The following BAZ2B variants were observed in gnomAD, a reference collection of about 807,000 sequenced individuals.
BAZ2B encodes the protein bromodomain adjacent to zinc finger domain 2B.
Under a neutral mutation model 246.0 loss-of-function variants are expected in BAZ2B, and 91 were observed. That is an observed-to-expected ratio of 0.37 (90% CI 0.31 to 0.44). The LOEUF (loss-of-function observed/expected upper bound fraction) is 0.44. Among genes scored for constraint, BAZ2B ranks in the 20% least tolerant of loss-of-function variants. The probability of loss-of-function intolerance (pLI) is 1.00; values close to 1 mark genes in which losing one functional copy is unlikely to be tolerated. For synonymous variants in BAZ2B, 855 were observed against 860.0 expected (o/e 0.99, Z 0.10); for missense variants, 2,332 against 2,533.7 (o/e 0.92, Z 1.71).
At position 159,555,090 on chromosome 2, in the gene BAZ2B, A is replaced by T. The variant is rs202176261; in HGVS notation, c.-3+733T>A. ...GGGGGGTGTGTGTGTGTGTGTGTGT[A>T]TTTTTTTTTTTTTTTTTTTTAGAGA... On this transcript the variant is annotated intron_variant, in intron 2 of 36. Coordinates refer to ENST00000392783, the MANE Select transcript of BAZ2B (RefSeq NM_013450.4). 3.7e-3 allele frequency among the ~76,000 whole-genome samples: 344 copies of T among 93,768 alleles called. 3 individuals are homozygous for T. The highest frequency in any genetic ancestry group is 0.012 in the African/African-American group (318 of 26,332). 61.5% of individuals were successfully genotyped at this position (93,768 alleles called of 152,430 possible). A position where few individuals can be genotyped will look rare whatever the true frequency, so the allele number is the denominator to read the frequency against.
At chr2:159,708,414 A>G in the BAZ2B span, among the ~76,000 whole-genome samples, 3 of 152,190 alleles carry the variant, frequency 2.0e-5, no homozygotes, top group African/African-American at 7.2e-5. Context: ...GTGAGGCCAG[A>G]TATTCTAGAG....
intron 27 of BAZ2B, among the ~76,000 whole-genome samples, chr2:159,364,515 C>G (rs1031987012): frequency 6.6e-6 from 1 of 152,090 alleles, no homozygotes; most frequent in Non-Finnish European, 1.5e-5. Flanking sequence ...ACCTTAAACT[C>G]CTAAGTAGCT....
At chr2:159,675,872 T>A in the BAZ2B span, among the ~76,000 whole-genome samples, 2 of 152,088 alleles carry the variant, frequency 1.3e-5, no homozygotes, top group Non-Finnish European at 1.5e-5. Flanking sequence ...CCCAAGTGAC[T>A]GGGAATACAG....
At chr2:159,418,425 C>T (rs532801077) in intron 13 of BAZ2B, among the ~76,000 whole-genome samples, 2 of 152,186 alleles carry the variant, frequency 1.3e-5, no homozygotes, top group African/African-American at 4.8e-5. Context: ...CAGTAAATTG[C>T]CCAATTAACT....
the BAZ2B span, among the ~76,000 whole-genome samples, chr2:159,624,149 C>A: frequency 6.6e-6 from 1 of 152,212 alleles, no homozygotes; most frequent in African/African-American, 2.4e-5. Flanking sequence ...CTCTAGATTT[C>A]TCTTCTCTGG....
chr2:159,533,559 C>T (rs2085597932), intron 2 of BAZ2B, among the ~76,000 whole-genome samples: 1 of 151,764 alleles, frequency 6.6e-6, no homozygotes, highest in South Asian at 2.1e-4. Flanking sequence ...TTCAAAATCC[C>T]TTCTTAATCT....
chr2:159,515,147 C>T (rs1288552485), intron 2 of BAZ2B, among the ~76,000 whole-genome samples: 1 of 151,892 alleles, frequency 6.6e-6, no homozygotes, highest in African/African-American at 2.4e-5. Context: ...ATATAATCAA[C>T]ATACCTAATA....
At chr2:159,457,129 T>C (rs1184102092) in intron 3 of BAZ2B, among the ~76,000 whole-genome samples, 1 of 152,182 alleles carries the variant, frequency 6.6e-6, no homozygotes, top group Non-Finnish European at 1.5e-5. Flanking sequence ...TTTAACAGTT[T>C]CAGTAATTCA....
chr2:159,453,553 T>C (rs940243332), intron 4 of BAZ2B, 60 bp downstream of exon 4: 8 of 1,472,898 alleles, frequency 5.4e-6, no homozygotes, highest in Non-Finnish European at 7.3e-6. Context: ...GACAAATTAT[T>C]GCTTGAACAT....
chr2:159,669,583 T>A, the BAZ2B span, among the ~76,000 whole-genome samples: 130,666 of 151,698 alleles, frequency 0.86, 56,498 homozygotes, highest in Middle Eastern at 0.95. Context: ...TTGCTGTTAC[T>A]CAGGCATTTG....
At chr2:159,551,901 T>C (rs908434304) in intron 2 of BAZ2B, among the ~76,000 whole-genome samples, 4 of 152,194 alleles carry the variant, frequency 2.6e-5, no homozygotes, top group Admixed American at 1.3e-4. Flanking sequence ...ATGAGCAATG[T>C]TTATTTAATA....
chr2:159,620,816 T>G (rs1357093253), upstream of BAZ2B, among the ~76,000 whole-genome samples: 1 of 152,076 alleles, frequency 6.6e-6, no homozygotes, highest in African/African-American at 2.4e-5. Flanking sequence ...CTAAGTACCA[T>G]GGTAAGGTGG....
At chr2:159,570,824 T>C (rs901820021) in intron 1 of BAZ2B, among the ~76,000 whole-genome samples, 2 of 152,164 alleles carry the variant, frequency 1.3e-5, no homozygotes, top group African/African-American at 2.4e-5. Context: ...ATCTTTATCA[T>C]TGAATAATTT....
chr2:159,605,386 G>A (rs1330236467), intron 1 of BAZ2B, among the ~76,000 whole-genome samples: 1 of 151,942 alleles, frequency 6.6e-6, no homozygotes, highest in African/African-American at 2.4e-5. Flanking sequence ...ATTATTTTTA[G>A]CTCACTTTTA....
At chr2:159,709,572 T>C in the BAZ2B span, among the ~76,000 whole-genome samples, 1 of 152,196 alleles carries the variant, frequency 6.6e-6, no homozygotes, top group South Asian at 2.1e-4. Flanking sequence ...CCCATAAATA[T>C]ATACAAATAT....
At chr2:159,632,862 T>C in the BAZ2B span, among the ~76,000 whole-genome samples, 1 of 152,204 alleles carries the variant, frequency 6.6e-6, no homozygotes, top group Non-Finnish European at 1.5e-5. Context: ...CTTTTGTTGT[T>C]TTATGTTCCT....
intron 3 of BAZ2B, chr2:159,460,552 G>A (rs946305178): frequency 1.3e-5 from 2 of 151,976 alleles, no homozygotes; most frequent in African/African-American, 4.8e-5. Context: ...GCATAAATTT[G>A]CAACATTAAA....
At chr2:159,413,560 C>T (rs2067159681) in intron 13 of BAZ2B, among the ~76,000 whole-genome samples, 1 of 151,836 alleles carries the variant, frequency 6.6e-6, no homozygotes, top group African/African-American at 2.4e-5. Flanking sequence ...ATACAAAAAT[C>T]AGCTGGGTGT....
the BAZ2B span, among the ~76,000 whole-genome samples, chr2:159,652,913 T>C: frequency 6.7e-6 from 1 of 148,478 alleles, no homozygotes. Context: ...CCACTGTGCC[T>C]GACCCAAATG....
Sources: gnomAD v4.1 joint callset for allele counts (sites outside exome capture counted in the v4.1 genomes callset) on GRCh38, gnomAD v4.1.1 for gene constraint, MANE v1.5 for transcripts, NCBI Gene and HGNC (gene_info 2026-07-23, HGNC 2026-07-21) for gene names.